IGSF6: variants seen among roughly 807,000 people sequenced by gnomAD.
The protein encoded by IGSF6 is immunoglobulin superfamily member 6.
In IGSF6, 23 loss-of-function variants were observed where a neutral mutation model predicts 24.7. The ratio of observed to expected loss-of-function variants is 0.93; its 90% CI spans 0.67 to 1.32. IGSF6 has a LOEUF of 1.32. Among genes scored for constraint, IGSF6 ranks in the 40% most tolerant of loss-of-function variants. The pLI, the probability that IGSF6 is intolerant of heterozygous loss-of-function variation, is 0.00. For synonymous variants in IGSF6, 110 were observed against 113.7 expected (o/e 0.97, Z 0.21); for missense variants, 295 against 293.6 (o/e 1.00, Z -0.04).
chr16:21,641,390 T>G lies in IGSF6; in HGVS notation c.*144A>C. On this transcript the variant is annotated 3_prime_UTR_variant, in exon 6 of 6. Transcript: ENST00000268389. ...TAATGACTATTAGTTATAGTTTCCTTACATTCTGACATCCTTCTTTGTAGC... is the reference window on the plus strand; with the variant it reads ...TAATGACTATTAGTTATAGTTTCCTGACATTCTGACATCCTTCTTTGTAGC... 4.2e-6 allele frequency: 2 copies of G among 479,168 alleles called. No homozygotes were observed. Among genetic ancestry groups the G allele is most frequent in the Non-Finnish European group, 7.5e-6 (2 of 266,678 alleles). The allele number at this position is 479,168 out of a possible 1,614,324, so 29.7% of individuals were successfully genotyped here. A position where few individuals can be genotyped will look rare whatever the true frequency, so the allele number is the denominator to read the frequency against.
chr16:21,645,733 A>G (rs186897528), intron 2 of IGSF6, among the ~76,000 whole-genome samples: 506 of 152,264 alleles, frequency 3.3e-3, no homozygotes, highest in African/African-American at 0.011. Flanking sequence ...TTTGACTAAC[A>G]TGTTTTTAGA....
Position 21,641,417 on chromosome 16 carries a change from A to G in IGSF6, c.*117T>C. The G allele has an allele frequency of 2.0e-6, 1 of 498,212 alleles. No individual in the cohort carries two copies. The highest frequency in any genetic ancestry group is 3.6e-6 in the Non-Finnish European group (1 of 279,850). 30.9% of individuals were successfully genotyped at this position (498,212 alleles called of 1,614,324 possible). A position where few individuals can be genotyped will look rare whatever the true frequency, so the allele number is the denominator to read the frequency against. ...CATTCTGACATCCTTCTTTGTAGCC[A>G]GTTGTCTTTTCAGTTTACCTTTATT... On this transcript the variant is annotated 3_prime_UTR_variant, in exon 6 of 6. Coordinates refer to ENST00000268389, the MANE Select transcript of IGSF6 (RefSeq NM_005849.4).
At chr16:21,651,245 G>T (rs368680852) in intron 1 of IGSF6, among the ~76,000 whole-genome samples, 6 of 152,156 alleles carry the variant, frequency 3.9e-5, no homozygotes, top group African/African-American at 1.4e-4. Context: ...AAGCCATATT[G>T]AAAGTAGGAA....
At chr16:21,646,073 G>A (rs1966418633) in intron 2 of IGSF6, among the ~76,000 whole-genome samples, 1 of 152,064 alleles carries the variant, frequency 6.6e-6, no homozygotes, top group Admixed American at 6.5e-5. Flanking sequence ...CCTTCCTAAG[G>A]GAAGAGACCC....
At position 21,652,528 on chromosome 16, in the gene IGSF6, T is replaced by A; in HGVS notation, c.67+4A>T. The A allele has an allele frequency of 6.2e-7, 1 of 1,607,258 alleles. No individual in the cohort carries two copies. Among genetic ancestry groups the A allele is most frequent in the Non-Finnish European group, 8.5e-7 (1 of 1,176,388 alleles). On this transcript the variant is annotated splice_donor_region_variant and intron_variant, in intron 1 of 5. Coordinates refer to ENST00000268389, the MANE Select transcript of IGSF6 (RefSeq NM_005849.4). Reference sequence around the variant, plus strand: ...ATGAAGGAGGAGAAGAAAAAGAACCTTACCGACACAAAATAGAATGAGATT... The same window carrying A: ...ATGAAGGAGGAGAAGAAAAAGAACCATACCGACACAAAATAGAATGAGATT...
In IGSF6 at chr16:21,644,287, T is replaced by A; in HGVS notation, c.534+3A>T. The A allele has an allele frequency of 6.3e-7, 1 of 1,592,238 alleles. No individual in the cohort carries two copies. The highest frequency in any genetic ancestry group is 1.1e-5 in the South Asian group (1 of 90,654). On this transcript the variant is annotated splice_donor_region_variant and intron_variant, in intron 3 of 5. Coordinates refer to ENST00000268389, the MANE Select transcript of IGSF6 (RefSeq NM_005849.4). ...ACATTCCATGCAAGAGGATTTGACTTACTTTGGAGAGGAGTATGAAGGCCA... is the reference window on the plus strand; with the variant it reads ...ACATTCCATGCAAGAGGATTTGACTAACTTTGGAGAGGAGTATGAAGGCCA...
rs1966329881 is a variant in IGSF6 at position 21,643,410 on chromosome 16, G to A, written c.585+138C>T. On this transcript the variant is annotated intron_variant, in intron 4 of 5. Coordinates refer to ENST00000268389, the MANE Select transcript of IGSF6 (RefSeq NM_005849.4). Reference sequence around the variant, plus strand: ...TTGAGTTTCTCAACAATAGGAAATAGTGTCTGCAGTTGAAAGTTACCTTGA... The same window carrying A: ...TTGAGTTTCTCAACAATAGGAAATAATGTCTGCAGTTGAAAGTTACCTTGA... 3 of 637,874 alleles carry A rather than the reference G, an allele frequency of 4.7e-6. No homozygotes were observed. In the East Asian group the frequency reaches 8.2e-5, roughly 17 times the overall value. 39.5% of individuals were successfully genotyped at this position (637,874 alleles called of 1,614,324 possible).
rs779099157 is a variant in IGSF6 at position 21,643,159 on chromosome 16, A to G, written c.586-5T>C. On this transcript the variant is annotated splice_polypyrimidine_tract_variant and splice_region_variant and intron_variant, in intron 4 of 5. Coordinates refer to ENST00000268389, the MANE Select transcript of IGSF6 (RefSeq NM_005849.4). ...AATACGCCGAGCACTCTTCTTCTAT[A>G]AAGACAAATGAGAAAAAAAAATTCT... 1 of 1,597,430 alleles carries G rather than the reference A, an allele frequency of 6.3e-7. No individual in the cohort carries two copies. Among genetic ancestry groups the G allele is most frequent in the South Asian group, 1.1e-5 (1 of 90,748 alleles).
chr16:21,645,466 A>T (rs1241496148), intron 2 of IGSF6, among the ~76,000 whole-genome samples: 1 of 152,230 alleles, frequency 6.6e-6, no homozygotes, highest in Non-Finnish European at 1.5e-5. Flanking sequence ...TTAAAAAAAA[A>T]GAAAGAAAAA....
intron 5 of IGSF6, 108 bp from the exon 6 acceptor site, chr16:21,641,701 G>A: frequency 1.7e-6 from 1 of 586,876 alleles, no homozygotes; most frequent in South Asian, 2.3e-5. Context: ...TGGGTCCTAA[G>A]TGTCCATATG....
Position 21,647,391 on chromosome 16 carries a change from C to G in IGSF6, c.169G>C (p.Gly57Arg), listed in dbSNP as rs370573910. 12 of 1,613,968 alleles carry G rather than the reference C, an allele frequency of 7.4e-6. No individual in the cohort carries two copies. The highest frequency in any genetic ancestry group is 1.0e-5 in the Non-Finnish European group (12 of 1,180,034). ...VTIKCTFSAT[G>R]CPSEQPTCLW... ...CATGTTGGTTGCTCAGAAGGGCATC[C>G]GGTTGCGGAGAAGGTACACTTTATG... The change falls in exon 2 of 6, where the codon GGA becomes CGA. Residue 57 changes from glycine (G) to arginine (R), a missense_variant. Gly to Arg is a moderately radical substitution (Grantham distance 125). Coordinates refer to ENST00000268389, the MANE Select transcript of IGSF6 (RefSeq NM_005849.4).
At chr16:21,650,444 G>T (rs889245528) in intron 1 of IGSF6, among the ~76,000 whole-genome samples, 2 of 149,018 alleles carry the variant, frequency 1.3e-5, no homozygotes, top group African/African-American at 4.9e-5. Flanking sequence ...GGAGGTGGAG[G>T]TTGCAGTGAG....
rs754546552 is a variant in IGSF6 at position 21,640,491 on chromosome 16, C to T, written c.*1043G>A. On this transcript the variant is annotated 3_prime_UTR_variant, in exon 6 of 6. Coordinates refer to ENST00000268389, the MANE Select transcript of IGSF6 (RefSeq NM_005849.4). Reference sequence around the variant, plus strand: ...ATAGACTGTGCGCGGTGGCTCACGCCTGTAATCCCAGCACTTTGGGAGGCC... The same window carrying T: ...ATAGACTGTGCGCGGTGGCTCACGCTTGTAATCCCAGCACTTTGGGAGGCC... 2 of 150,302 alleles carry T rather than the reference C, an allele frequency of 1.3e-5. No homozygotes were observed. The highest frequency in any genetic ancestry group is 3.0e-5 in the Non-Finnish European group (2 of 67,792). 9.3% of individuals were successfully genotyped at this position (150,302 alleles called of 1,614,324 possible).
chr16:21,646,928 A>G, intron 2 of IGSF6: 1 of 622,508 alleles, frequency 1.6e-6, no homozygotes, highest in Non-Finnish European at 2.9e-6. Flanking sequence ...TGCTGGGATT[A>G]CAGGTGTGAG....
At chr16:21,647,892 G>C (rs1056283502) in intron 1 of IGSF6, among the ~76,000 whole-genome samples, 1 of 152,282 alleles carries the variant, frequency 6.6e-6, no homozygotes, top group East Asian at 1.9e-4. Context: ...GGCCTCCCCA[G>C]AGTGCTGTGT....
chr16:21,643,523 A>G (rs759248892), intron 4 of IGSF6, 25 bp downstream of exon 4: 7 of 1,467,884 alleles, frequency 4.8e-6, no homozygotes, highest in Non-Finnish European at 1.9e-6. Flanking sequence ...AATTTAAAAA[A>G]TATTTTTCAA....
At chr16:21,643,048 AT>A (rs769652733) in intron 5 of IGSF6, 25 bp downstream of exon 5, 1,592 of 1,448,124 alleles carry the variant, frequency 1.1e-3, no homozygotes, top group Middle Eastern at 1.6e-3. Flanking sequence ...CTGTATTTAC[AT>A]TTTTTTTTGA....
rs1349767329 is a variant in IGSF6 at position 21,640,402 on chromosome 16, A to G, written c.*1132T>C. 1 of 151,920 alleles carries G rather than the reference A, an allele frequency of 6.6e-6. No individual in the cohort carries two copies. Among genetic ancestry groups the G allele is most frequent in the African/African-American group, 2.4e-5 (1 of 41,304 alleles). The allele number at this position is 151,920 out of a possible 1,614,324, so 9.4% of individuals were successfully genotyped here. On this transcript the variant is annotated 3_prime_UTR_variant, in exon 6 of 6. Transcript: ENST00000268389. ...TTAGTGAAGTGGTAATGAATTCCAT[A>G]AATATCCTTGTACCATGCCTCCTAT...
chr16:21,644,111 A>G (rs1701931308), intron 3 of IGSF6, among the ~76,000 whole-genome samples, 179 bp downstream of exon 3: 1 of 152,206 alleles, frequency 6.6e-6, no homozygotes, highest in Non-Finnish European at 1.5e-5. Context: ...AGTGATGAGA[A>G]TGTATGATGC....
Sources: gnomAD v4.1 joint callset for allele counts (sites outside exome capture counted in the v4.1 genomes callset) on GRCh38, gnomAD v4.1.1 for gene constraint, MANE v1.5 for transcripts, NCBI Gene and HGNC (gene_info 2026-07-23, HGNC 2026-07-21) for gene names.